Variants in FSTL5 observed in about 807,000 individuals in gnomAD.
The protein encoded by FSTL5 is follistatin-related protein 5.
Under a neutral mutation model 89.1 loss-of-function variants are expected in FSTL5, and 62 were observed. The observed-to-expected ratio is 0.70, with a 90% CI of 0.57 to 0.86. FSTL5 has a LOEUF of 0.86. Among genes scored for constraint, FSTL5 ranks in the 40% least tolerant of loss-of-function variants. The pLI is 0.00. For synonymous variants in FSTL5, 383 were observed against 346.2 expected (o/e 1.11, Z -1.18); for missense variants, 1,057 against 1,001.6 (o/e 1.06, Z -0.75).
chr4:162,149,567 C>T (rs931132507), intron 1 of FSTL5, among the ~76,000 whole-genome samples: 1 of 151,888 alleles, frequency 6.6e-6, no homozygotes, highest in Non-Finnish European at 1.5e-5. Context: ...CCACAAAGAT[C>T]GCTAGAGCCC....
intron 15 of FSTL5, among the ~76,000 whole-genome samples, chr4:161,419,406 C>T (rs958781898): frequency 2.6e-5 from 4 of 152,022 alleles, no homozygotes; most frequent in Non-Finnish European, 5.9e-5. Context: ...GTGGGATAAG[C>T]AGGCAAAGCA....
chr4:161,556,047 T>C (rs947038234), intron 8 of FSTL5, among the ~76,000 whole-genome samples: 2 of 151,600 alleles, frequency 1.3e-5, no homozygotes, highest in Non-Finnish European at 1.5e-5. Flanking sequence ...ACTGGTTAAA[T>C]GTTCCAGATG....
chr4:162,066,213 G>C (rs1284733803), intron 2 of FSTL5, among the ~76,000 whole-genome samples: 1 of 151,388 alleles, frequency 6.6e-6, no homozygotes, highest in African/African-American at 2.4e-5. Context: ...ATGCTTGTTT[G>C]TCATCTGTTT....
chr4:162,007,948 G>C (rs771201731), intron 3 of FSTL5, among the ~76,000 whole-genome samples: 10 of 151,800 alleles, frequency 6.6e-5, no homozygotes, highest in Non-Finnish European at 1.0e-4. Context: ...GAAGTTTCCA[G>C]TGATGGGGAG....
chr4:161,924,916 A>C (rs11100396), intron 3 of FSTL5, among the ~76,000 whole-genome samples: 96,148 of 151,538 alleles, frequency 0.63, 30,584 homozygotes, highest in Middle Eastern at 0.72. Flanking sequence ...TGTTAAAGTA[A>C]AAAATGTAAG....
chr4:161,769,408 C>G (rs1074660), intron 5 of FSTL5, among the ~76,000 whole-genome samples: 21,001 of 151,856 alleles, frequency 0.14, 2,787 homozygotes, highest in African/African-American at 0.34. Flanking sequence ...GGCCAATATT[C>G]CTGATAAACA....
chr4:161,831,655 T>A (rs933312539), intron 4 of FSTL5, among the ~76,000 whole-genome samples: 1 of 151,920 alleles, frequency 6.6e-6, no homozygotes, highest in Non-Finnish European at 1.5e-5. Flanking sequence ...AGAATCTTTA[T>A]TCTAATATAT....
chr4:161,666,128 C>T (rs150996919), intron 6 of FSTL5, among the ~76,000 whole-genome samples: 8 of 151,820 alleles, frequency 5.3e-5, no homozygotes, highest in African/African-American at 9.7e-5. Context: ...AGTCACCAAG[C>T]GGAAGATAAT....
intron 3 of FSTL5, among the ~76,000 whole-genome samples, chr4:162,000,171 T>C (rs1578934344): frequency 6.6e-6 from 1 of 152,234 alleles, no homozygotes; most frequent in African/African-American, 2.4e-5. Flanking sequence ...CAGGTGTCCA[T>C]AAGGTTGAAT....
At chr4:161,914,280 C>A (rs1186388096) in intron 4 of FSTL5, among the ~76,000 whole-genome samples, 3 of 151,940 alleles carry the variant, frequency 2.0e-5, no homozygotes, top group Non-Finnish European at 2.9e-5. Context: ...ATATTTCACA[C>A]CTTGAAACTA....
chr4:161,515,083 ATATT>A (rs1346245255), intron 10 of FSTL5, among the ~76,000 whole-genome samples: 2 of 152,158 alleles, frequency 1.3e-5, no homozygotes, highest in African/African-American at 4.8e-5. Context: ...AAAATTATAT[ATATT>A]GTTATTATCT....
chr4:161,723,616 T>C (rs1354674758), intron 6 of FSTL5, among the ~76,000 whole-genome samples: 2 of 152,144 alleles, frequency 1.3e-5, no homozygotes, highest in Non-Finnish European at 2.9e-5. Flanking sequence ...TCCTGGGAGA[T>C]GGAATGGCTT....
At chr4:161,620,829 A>T (rs551030384) in intron 7 of FSTL5, among the ~76,000 whole-genome samples, 4 of 152,310 alleles carry the variant, frequency 2.6e-5, no homozygotes, top group African/African-American at 9.6e-5. Flanking sequence ...TAACAGAAAG[A>T]TCTCATGATT....
At chr4:161,937,741 T>C (rs1264785704) in intron 3 of FSTL5, among the ~76,000 whole-genome samples, 1 of 152,184 alleles carries the variant, frequency 6.6e-6, no homozygotes, top group Non-Finnish European at 1.5e-5. Context: ...AAGAGGTATT[T>C]CTGCTTTAGC....
At chr4:162,079,630 A>C (rs1022838894) in intron 2 of FSTL5, among the ~76,000 whole-genome samples, 2 of 151,546 alleles carry the variant, frequency 1.3e-5, no homozygotes, top group African/African-American at 4.8e-5. Context: ...AATATGATAC[A>C]ATTCTTCAGG....
intron 2 of FSTL5, among the ~76,000 whole-genome samples, chr4:162,063,582 T>C (rs189456240): frequency 7.9e-5 from 12 of 151,970 alleles, no homozygotes; most frequent in Admixed American, 7.9e-4. Context: ...ACAGCATACA[T>C]TATTATATAT....
intron 5 of FSTL5, among the ~76,000 whole-genome samples, chr4:161,767,641 G>C (rs529128236): frequency 6.6e-6 from 1 of 152,058 alleles, no homozygotes; most frequent in Non-Finnish European, 1.5e-5. Flanking sequence ...ATTTTAAAGG[G>C]AAAAGCTAAG....
intron 4 of FSTL5, among the ~76,000 whole-genome samples, chr4:161,781,887 A>G (rs1741682279): frequency 6.6e-6 from 1 of 152,082 alleles, no homozygotes; most frequent in Non-Finnish European, 1.5e-5. Flanking sequence ...AATCCTCTGT[A>G]CTCCATCTAT....
At chr4:161,695,594 T>C (rs1474632477) in intron 6 of FSTL5, among the ~76,000 whole-genome samples, 2 of 152,160 alleles carry the variant, frequency 1.3e-5, no homozygotes, top group African/African-American at 4.8e-5. Context: ...TGTGCAAGTA[T>C]CATTTTCGTG....
Sources: gnomAD v4.1 joint callset for allele counts (sites outside exome capture counted in the v4.1 genomes callset) on GRCh38, gnomAD v4.1.1 for gene constraint, MANE v1.5 for transcripts, NCBI Gene and HGNC (gene_info 2026-07-23, HGNC 2026-07-21) for gene names.